DSP: variants seen among roughly 807,000 people sequenced by gnomAD.
The protein encoded by DSP is desmoplakin.
In DSP, 114 loss-of-function variants were observed where a neutral mutation model predicts 290.6. The observed-to-expected ratio is 0.39, with a 90% CI of 0.34 to 0.46. The LOEUF is 0.46. DSP is among the 20% of genes least tolerant of loss of function. The pLI, the probability that DSP is intolerant of heterozygous loss-of-function variation, is 0.99. For missense variants in DSP, 3,230 were observed against 3,495.8 expected (o/e 0.92, Z 1.92); for synonymous variants, 1,311 against 1,316.4 (o/e 1.00, Z 0.09).
rs958867864 is a variant in DSP, at chr6:7,565,277, A to G, written c.778-82A>G. The G allele has an allele frequency of 3.2e-6, 5 of 1,544,394 alleles. No homozygotes were observed. The highest frequency in any genetic ancestry group is 4.4e-6 in the Non-Finnish European group (5 of 1,123,984). The stretch of plus-strand genomic sequence containing the variant: ...GTGTGATTTTTTTTTTAAAGGGACC[A>G]CAGGTTTAATCTTTAAACCTGCAGA... On this transcript the variant is annotated intron_variant, in intron 6 of 23. Coordinates refer to ENST00000379802, the MANE Select transcript of DSP (RefSeq NM_004415.4). This position sits in a 1 kb window ranked among gnomAD's most constrained non-coding sequence, Gnocchi z 4.2.
intron 21 of DSP, among the ~76,000 whole-genome samples, 165 bp downstream of exon 21, chr6:7,578,051 T>C (rs1251847580): frequency 1.3e-5 from 2 of 152,222 alleles, no homozygotes; most frequent in African/African-American, 4.8e-5. Context: ...AATAGCAGGT[T>C]ATGTGCCCTC....
rs150408814 is a variant in DSP at position 7,565,580 on chromosome 6, G to C, written c.939+60G>C. 9 of 1,597,652 alleles carry C rather than the reference G, an allele frequency of 5.6e-6. No homozygotes were observed. The East Asian group carries it at 2.0e-4, about 36-fold the overall frequency. ...TTGAGCCTGTTGCCTTGAAGAGCTGGGGTCTCGGGGAATGATTGGTCTATT... is the reference window on the plus strand; with the variant it reads ...TTGAGCCTGTTGCCTTGAAGAGCTGCGGTCTCGGGGAATGATTGGTCTATT... On this transcript the variant is annotated intron_variant, in intron 7 of 23. Coordinates refer to ENST00000379802, the MANE Select transcript of DSP (RefSeq NM_004415.4). This position sits in a 1 kb window ranked among gnomAD's most constrained non-coding sequence, Gnocchi z 4.2.
At chr6:7,548,274 A>AC (rs1382353531) in intron 1 of DSP, among the ~76,000 whole-genome samples, 1 of 150,408 alleles carries the variant, frequency 6.6e-6, no homozygotes, top group East Asian at 1.9e-4. Context: ...GAAAAAAAAA[A>AC]AGAAAGAAAG....
At chr6:7,563,284 G>A (rs546717760) in intron 5 of DSP, among the ~76,000 whole-genome samples, 31 of 150,868 alleles carry the variant, frequency 2.1e-4, no homozygotes, top group South Asian at 6.3e-4. Context: ...TTAGTTTCCC[G>A]CAGGTCTCTA....
chr6:7,551,920 A>G (rs1364481576), intron 1 of DSP, among the ~76,000 whole-genome samples: 1 of 152,172 alleles, frequency 6.6e-6, no homozygotes, highest in African/African-American at 2.4e-5. Context: ...GTATATACCT[A>G]GTTCCTTTTC....
In DSP at chr6:7,583,499, C is replaced by G. The variant is rs1309030788; in HGVS notation, c.6237C>G (p.Asp2079Glu). ...VDSAIARDLI[D>E]FDDRQQIYAA... ...GTGCCATAGCTCGGGACCTCATTGA[C>G]TTCGATGACCGTCAGCAGATATATG... Residue 2079 changes from aspartate (D) to glutamate (E), a missense_variant, in exon 24 of 24, where the codon GAC becomes GAG. By Grantham distance (45) the Asp-to-Glu change is conservative. Transcript: ENST00000379802. The surrounding 1 kb of genome is among the most constrained non-coding windows in gnomAD (Gnocchi z 4.0). 1 of 1,614,168 alleles carries G rather than the reference C, an allele frequency of 6.2e-7. No individual in the cohort carries two copies.
chr6:7,583,244 A>T lies in DSP; in HGVS notation c.5982A>T (p.Leu1994=). The change falls in exon 24 of 24, where the codon CTA becomes CTT. Residue 1994 remains leucine, a synonymous_variant. Transcript: ENST00000379802. This position sits in a 1 kb window ranked among gnomAD's most constrained non-coding sequence, Gnocchi z 4.0. ...TCGACAAAACAACCTTGGACAAACT[A>T]TTGAAGGGGAAGAAGTCAGTGGAAG... The part of the protein sequence containing the change: ...QLIDKTTLDK[L]LKGKKSVEEV... 5.0e-6 allele frequency: 8 copies of T among 1,614,140 alleles called. No individual in the cohort carries two copies. The highest frequency in any genetic ancestry group is 6.8e-6 in the Non-Finnish European group (8 of 1,180,018).
chr6:7,541,812 G>C lies in DSP; in HGVS notation c.-104G>C. The stretch of plus-strand genomic sequence containing the variant: ...TCGCGAGCCTTCCGCACTCCCGCCC[G>C]GTTCCCCGGCCGTCCGCCTATCCTT... On this transcript the variant is annotated 5_prime_UTR_variant, in exon 1 of 24. Coordinates refer to ENST00000379802, the MANE Select transcript of DSP (RefSeq NM_004415.4). 1.4e-6 allele frequency: 2 copies of C among 1,426,148 alleles called. No individual in the cohort carries two copies. The highest frequency in any genetic ancestry group is 1.9e-6 in the Non-Finnish European group (2 of 1,071,698). 88.3% of individuals were successfully genotyped at this position (1,426,148 alleles called of 1,614,324 possible). A position where few individuals can be genotyped will look rare whatever the true frequency, so the allele number is the denominator to read the frequency against.
In DSP at chr6:7,585,753, T is replaced by C; in HGVS notation, c.8491T>C (p.Ser2831Pro). The change falls in exon 24 of 24, where the codon TCG becomes CCG. Residue 2831 changes from serine to proline, a missense_variant. Physicochemically the swap from Ser to Pro is moderately conservative, Grantham distance 74. This residue lies in a region of DSP where 582 missense variants were observed against 555.4 expected (regional missense o/e 1.05). Transcript: ENST00000379802. The stretch of plus-strand genomic sequence containing the variant: ...TCCGGGGTCCCGCTCCGGCTCCCGC[T>C]CGGGATCTCGCTCCGGATCTCGCTC... ...SAPGSRSGSR[S>P]GSRSGSRSGS... 1.9e-6 allele frequency: 3 copies of C among 1,609,926 alleles called. No homozygotes were observed. The highest frequency in any genetic ancestry group is 2.5e-6 in the Non-Finnish European group (3 of 1,177,694).
chr6:7,550,996 A>G (rs140368431), intron 1 of DSP, among the ~76,000 whole-genome samples: 3 of 152,164 alleles, frequency 2.0e-5, no homozygotes, highest in Admixed American at 2.0e-4. Context: ...GCTTGTAAGT[A>G]CATCATTTTA....
In DSP at chr6:7,558,247, T is replaced by A; in HGVS notation, c.405T>A (p.Cys135Ter). Reference sequence around the variant, plus strand: ...AGATGCGGCAGATGGGCCAGCCCTGTGATGCTTACCAGAAAAGGTATTGTC... The same window carrying A: ...AGATGCGGCAGATGGGCCAGCCCTGAGATGCTTACCAGAAAAGGTATTGTC... ...IREMRQMGQP[C>*]DAYQKRLLQL... Residue 135 changes from cysteine to a stop codon, truncating the protein, a stop_gained, in exon 3 of 24, where the codon TGT becomes TGA. Coordinates refer to ENST00000379802, the MANE Select transcript of DSP (RefSeq NM_004415.4). LOFTEE classifies it high-confidence loss of function. 6.2e-7 allele frequency: 1 copy of A among 1,614,118 alleles called. No individual in the cohort carries two copies. Among genetic ancestry groups the A allele is most frequent in the Non-Finnish European group, 8.5e-7 (1 of 1,180,000 alleles).
rs769398552 is a variant in DSP, at chr6:7,541,909, C to T, written c.-7C>T. 9 of 1,603,204 alleles carry T rather than the reference C, an allele frequency of 5.6e-6. No individual in the cohort carries two copies. Among genetic ancestry groups the T allele is most frequent in the Non-Finnish European group, 7.6e-6 (9 of 1,177,144 alleles). On this transcript the variant is annotated 5_prime_UTR_variant, in exon 1 of 24. Coordinates refer to ENST00000379802, the MANE Select transcript of DSP (RefSeq NM_004415.4). Reference sequence around the variant, plus strand: ...GCGCTGAGCCGCTCTCCCGATTGCCCGCCGACATGAGCTGCAACGGAGGCT... The same window carrying T: ...GCGCTGAGCCGCTCTCCCGATTGCCTGCCGACATGAGCTGCAACGGAGGCT...
chr6:7,582,892 C>T lies in DSP; in HGVS notation c.5630C>T (p.Ala1877Val). 6.2e-7 allele frequency: 1 copy of T among 1,613,872 alleles called. No individual in the cohort carries two copies. The highest frequency in any genetic ancestry group is 1.1e-5 in the South Asian group (1 of 91,060). The stretch of plus-strand genomic sequence containing the variant: ...ACTCAATATTCCCGCAAGGAGGAGG[C>T]TATTAGGAAGATAGAATCGGAAAGA... ...WKTQYSRKEE[A>V]IRKIESEREK... Residue 1877 changes from alanine to valine, a missense_variant, in exon 24 of 24, where the codon GCT becomes GTT. Coordinates refer to ENST00000379802, the MANE Select transcript of DSP (RefSeq NM_004415.4). The surrounding 1 kb of genome is among the most constrained non-coding windows in gnomAD (Gnocchi z 4.2).
At chr6:7,559,522 G>A (rs898112359) in intron 4 of DSP, 122 bp downstream of exon 4, 15 of 1,253,086 alleles carry the variant, frequency 1.2e-5, no homozygotes, top group Non-Finnish European at 1.5e-5. Flanking sequence ...GCAGCTTGCT[G>A]TTTGCAGGAT....
chr6:7,571,451 C>T lies in DSP; in HGVS notation c.1770C>T (p.Phe590=). ...ACCTTGAGTTACATTACCAAGAGTTCATCAGAAATAGCCAAGGCTCAGAGA... is the reference window on the plus strand; with the variant it reads ...ACCTTGAGTTACATTACCAAGAGTTTATCAGAAATAGCCAAGGCTCAGAGA... ...IADLELHYQE[F]IRNSQGSEMF... is the part of the protein sequence containing the mutation. The change falls in exon 14 of 24, where the codon TTC becomes TTT. Residue 590 remains phenylalanine, a synonymous_variant. Transcript: ENST00000379802. The T allele has an allele frequency of 6.2e-7, 1 of 1,614,138 alleles. No homozygotes were observed. Among genetic ancestry groups the T allele is most frequent in the South Asian group, 1.1e-5 (1 of 91,078 alleles).
chr6:7,577,712 C>G (rs971634132), intron 20 of DSP, 67 bp from the exon 21 acceptor site: 2 of 1,246,064 alleles, frequency 1.6e-6, no homozygotes, highest in African/African-American at 3.0e-5. Context: ...AACTGTGGAA[C>G]TGTAGCTGTT....
At position 7,582,269 on chromosome 6, in the gene DSP, A is replaced by G. The variant is rs1759463585; in HGVS notation, c.5380-373A>G. Among the ~76,000 whole-genome samples, 2 of 148,968 alleles carry G rather than the reference A, an allele frequency of 1.3e-5. No individual in the cohort carries two copies. Among genetic ancestry groups the G allele is most frequent in the South Asian group, 4.2e-4 (2 of 4,794 alleles). On this transcript the variant is annotated intron_variant, in intron 23 of 23. Transcript: ENST00000379802. The surrounding 1 kb of genome is among the most constrained non-coding windows in gnomAD (Gnocchi z 4.2). ...TATCTTCATATATTTGTATTGCTTCATTAAGTATGTTCATCTAGCTGTAAC... is the reference window on the plus strand; with the variant it reads ...TATCTTCATATATTTGTATTGCTTCGTTAAGTATGTTCATCTAGCTGTAAC...
At chr6:7,574,897 T>G in intron 17 of DSP, 102 bp downstream of exon 17, 1 of 1,551,502 alleles carries the variant, frequency 6.4e-7, no homozygotes, top group Non-Finnish European at 8.9e-7. Context: ...TTTTGAGGAT[T>G]ATTGGGTTTC....
intron 4 of DSP, among the ~76,000 whole-genome samples, chr6:7,562,433 T>C (rs1334034924): frequency 6.6e-6 from 1 of 151,918 alleles, no homozygotes; most frequent in Non-Finnish European, 1.5e-5. Flanking sequence ...CTAAATTTCC[T>C]TCTCTGCCCA....
Sources: gnomAD v4.1 joint callset for allele counts (sites outside exome capture counted in the v4.1 genomes callset) on GRCh38, gnomAD v4.1.1 for gene constraint, gnomAD v4.1.1 regional missense constraint, Gnocchi (gnomAD v3.1) non-coding constraint, MANE v1.5 for transcripts, NCBI Gene and HGNC (gene_info 2026-07-23, HGNC 2026-07-21) for gene names.